The following SCAP variants were observed in gnomAD, a reference collection of about 807,000 sequenced individuals.
SCAP encodes the protein sterol regulatory element-binding protein cleavage-activating protein.
In SCAP, 65 loss-of-function variants were observed where a neutral mutation model predicts 123.6. The ratio of observed to expected loss-of-function variants is 0.53; its 90% CI spans 0.43 to 0.65. The LOEUF is 0.65. SCAP is among the 30% of genes least tolerant of loss of function. The probability of loss-of-function intolerance (pLI) is 0.00; values close to 1 mark genes in which losing one functional copy is unlikely to be tolerated. For missense variants in SCAP, 1,398 were observed against 1,712.5 expected, an observed-to-expected ratio of 0.82 and a Z score of 3.24; for synonymous variants, 740 against 726.3, an observed-to-expected ratio of 1.02 and a Z score of -0.30.
intron 2 of SCAP, among the ~76,000 whole-genome samples, chr3:47,438,178 C>T (rs1160621809): frequency 1.3e-5 from 2 of 152,190 alleles, no homozygotes; most frequent in Admixed American, 6.5e-5. Flanking sequence ...TGAAACGCCT[C>T]TTCAAGTCTT....
Position 47,413,979 on chromosome 3 carries a change from C to T in SCAP, c.3715G>A (p.Gly1239Arg), listed in dbSNP as rs774745158. ...GCAGGCTGGGCCTCACTGTTCTTCC[C>T]CAGGTAGACTGTCTGTAACAGGTCC... ...YGDLLQTVYL[G>R]KNSEAQPARQ... The change falls in exon 23 of 23, where the codon GGG (glycine) becomes AGG (arginine). Residue 1239 changes from glycine to arginine, a missense_variant. By Grantham distance (125) the Gly-to-Arg change is moderately radical (BLOSUM62 -2). Transcript: ENST00000265565. 3.1e-6 allele frequency: 5 copies of T among 1,613,298 alleles called. No individual in the cohort carries two copies. The highest frequency in any genetic ancestry group is 4.2e-6 in the Non-Finnish European group (5 of 1,180,018).
chr3:47,428,800 A>G, intron 3 of SCAP, 130 bp from the exon 4 acceptor site: 1 of 996,714 alleles, frequency 1.0e-6, no homozygotes, highest in Non-Finnish European at 1.5e-6. Context: ...TGACTAATAC[A>G]AGTTCTTGAG....
chr3:47,459,390 C>T (rs756350670), intron 1 of SCAP, among the ~76,000 whole-genome samples: 2 of 152,166 alleles, frequency 1.3e-5, no homozygotes, highest in Non-Finnish European at 2.9e-5. Context: ...GGAGATGTGA[C>T]GAGTCTCGTT....
intron 1 of SCAP, among the ~76,000 whole-genome samples, chr3:47,464,838 G>A (rs974582192): frequency 2.0e-5 from 3 of 152,020 alleles, no homozygotes; most frequent in Non-Finnish European, 4.4e-5. Context: ...AATTATTTCC[G>A]TTCCTAGATG....
At chr3:47,428,767 C>T in intron 3 of SCAP, 97 bp from the exon 4 acceptor site, 2 of 1,355,906 alleles carry the variant, frequency 1.5e-6, no homozygotes, top group East Asian at 4.6e-5. Context: ...GGAAACCGTG[C>T]CCCACAGAGT....
chr3:47,465,959 C>A (rs1396030796), intron 1 of SCAP, among the ~76,000 whole-genome samples: 4 of 151,578 alleles, frequency 2.6e-5, no homozygotes, highest in Admixed American at 2.0e-4. Context: ...ATGGTGAAAC[C>A]CCGTCTCTAC....
rs1705847179 is a variant in SCAP at position 47,420,550 on chromosome 3, G to A, written c.1563+4C>T. ...GGGCAGGGCAGGGCAGGGGTGGCAG[G>A]TACCATGATGAGGCGCTGTGCCAGG... On this transcript the variant is annotated splice_donor_region_variant and intron_variant, in intron 12 of 22. Coordinates refer to ENST00000265565, the MANE Select transcript of SCAP (RefSeq NM_012235.4). The surrounding 1 kb of genome is among the most constrained non-coding windows in gnomAD (Gnocchi z 5.0). 3 of 1,588,678 alleles carry A rather than the reference G, an allele frequency of 1.9e-6. No homozygotes were observed. Among genetic ancestry groups the A allele is most frequent in the African/African-American group, 1.3e-5 (1 of 74,090 alleles).
At chr3:47,455,066 T>TATATATATACAAAAAAATTAC (rs1559563560) in intron 1 of SCAP, among the ~76,000 whole-genome samples, 2 of 10,098 alleles carry the variant, frequency 2.0e-4, no homozygotes, top group African/African-American at 9.9e-4. Flanking sequence ...AAATTACATA[T>TATATATATACAAAAAAATTAC]ATATATATAT....
At chr3:47,431,715 A>ACAAT (rs1706366119) in intron 3 of SCAP, among the ~76,000 whole-genome samples, 1 of 152,186 alleles carries the variant, frequency 6.6e-6, no homozygotes, top group African/African-American at 2.4e-5. Flanking sequence ...TATCAAGGGC[A>ACAAT]CAATCAATCA....
In SCAP at chr3:47,435,091, A is replaced by G; in HGVS notation, c.169T>C (p.Phe57Leu). The change falls in exon 3 of 23, where the codon TTC (phenylalanine) becomes CTC (leucine). Residue 57 changes from phenylalanine to leucine, a missense_variant. Phe to Leu is a conservative substitution (Grantham distance 22). Around this residue, in one of 7 missense-constraint regions of SCAP, gnomAD observed 319 missense variants for 432.4 expected, o/e 0.74. Transcript: ENST00000265565. ...LPLPGTGPVE[F>L]TTPVKDYSPP... is the part of the protein sequence containing the mutation. ...GAGTAATCCTTCACAGGGGTGGTGA[A>G]TTCCACAGGTCCTGTTCCTGGCAAG... The G allele has an allele frequency of 6.2e-7, 1 of 1,614,102 alleles. No homozygotes were observed. The highest frequency in any genetic ancestry group is 8.5e-7 in the Non-Finnish European group (1 of 1,180,000).
rs751146724 is a variant in SCAP at position 47,420,780 on chromosome 3, G to A, written c.1345-8C>T. ...CTTGTTCAGGTCTGCTAGCTGTTGG[G>A]GGCACAGTGGTCAGGGCCTGAGTCC... is the stretch of plus-strand genomic sequence containing the variant. On this transcript the variant is annotated splice_region_variant and splice_polypyrimidine_tract_variant and intron_variant, in intron 11 of 22. Coordinates refer to ENST00000265565, the MANE Select transcript of SCAP (RefSeq NM_012235.4). This position sits in a 1 kb window ranked among gnomAD's most constrained non-coding sequence, Gnocchi z 5.0. The A allele has an allele frequency of 3.7e-6, 6 of 1,609,880 alleles. No homozygotes were observed. The highest frequency in any genetic ancestry group is 4.2e-6 in the Non-Finnish European group (5 of 1,179,200).
Position 47,413,872 on chromosome 3 carries a change from C to A in SCAP, c.3822G>T (p.Val1274=), listed in dbSNP as rs139599229. ...SELSLVYVPS[V]LEKLD ...CCTGCGCTCAGTCCAGCTTCTCCAG[C>A]ACAGAGGGCACATACACCAGGCTGA... The change falls in exon 23 of 23, where the codon GTG becomes GTT. Residue 1274 remains valine, a synonymous_variant. Transcript: ENST00000265565. 1 of 1,612,838 alleles carries A rather than the reference C, an allele frequency of 6.2e-7. No individual in the cohort carries two copies. The highest frequency in any genetic ancestry group is 8.5e-7 in the Non-Finnish European group (1 of 1,180,020).
Position 47,425,522 on chromosome 3 carries a change from A to G in SCAP, c.1000T>C (p.Cys334Arg). The change falls in exon 8 of 23, where the codon TGC becomes CGC. Residue 334 changes from cysteine (C) to arginine (R), a missense_variant. Physicochemically the swap from Cys to Arg is radical, Grantham distance 180. Coordinates refer to ENST00000265565, the MANE Select transcript of SCAP (RefSeq NM_012235.4). ...GTGGGCGTCAGGCCGAAGAGTGTGCAGAGTCCCACAGACATGAGCAGCGAG... is the reference window on the plus strand; with the variant it reads ...GTGGGCGTCAGGCCGAAGAGTGTGCGGAGTCCCACAGACATGAGCAGCGAG... ...LSSLLMSVGL[C>R]TLFGLTPTLN... 6.2e-7 allele frequency: 1 copy of G among 1,614,022 alleles called. No individual in the cohort carries two copies. Among genetic ancestry groups the G allele is most frequent in the South Asian group, 1.1e-5 (1 of 91,090 alleles).
chr3:47,460,251 C>T (rs1364153175), intron 1 of SCAP, among the ~76,000 whole-genome samples: 5 of 152,100 alleles, frequency 3.3e-5, no homozygotes, highest in African/African-American at 1.2e-4. Context: ...GACGTACATC[C>T]TCAGCTTACG....
Position 47,419,469 on chromosome 3 carries a change from C to G in SCAP, c.1799G>C (p.Arg600Pro). ...NQTSPGESPE[R>P]GGPAEVVHDS... ...ATGGACAACCTCTGCTGGACCTCCA[C>G]GCTCAGGTGACTCGCCTGGCGACGT... is the stretch of plus-strand genomic sequence containing the variant. The change falls in exon 13 of 23, where the codon CGT becomes CCT. Residue 600 changes from arginine to proline, a missense_variant. Arg to Pro is a moderately radical substitution (Grantham distance 103, BLOSUM62 -2). This residue lies in a region of SCAP where 828 missense variants were observed against 882.5 expected (regional missense o/e 0.94). Transcript: ENST00000265565. The surrounding 1 kb of genome is among the most constrained non-coding windows in gnomAD (Gnocchi z 5.0). 6.2e-7 allele frequency: 1 copy of G among 1,614,000 alleles called. No homozygotes were observed. The highest frequency in any genetic ancestry group is 8.5e-7 in the Non-Finnish European group (1 of 1,180,008).
At chr3:47,446,361 C>T (rs1173030093) in intron 1 of SCAP, among the ~76,000 whole-genome samples, 3 of 151,772 alleles carry the variant, frequency 2.0e-5, no homozygotes, top group Admixed American at 6.6e-5. Context: ...TTAGTAGAGA[C>T]GAAGTTTCAC....
intron 1 of SCAP, among the ~76,000 whole-genome samples, chr3:47,463,423 G>A (rs375881587): frequency 3.3e-5 from 5 of 152,114 alleles, no homozygotes; most frequent in African/African-American, 4.8e-5. Context: ...CCAGTGGGCC[G>A]GGGTGCGGTG....
intron 1 of SCAP, among the ~76,000 whole-genome samples, chr3:47,465,841 C>CA (rs79594451): frequency 0.48 from 70,397 of 146,188 alleles, 18,054 homozygotes; most frequent in Non-Finnish European, 0.58. Flanking sequence ...TTTAAAAAAA[C>CA]AAAAAAAAAA....
chr3:47,447,275 C>T (rs1164582157), intron 1 of SCAP, among the ~76,000 whole-genome samples: 9 of 152,190 alleles, frequency 5.9e-5, no homozygotes, highest in Admixed American at 5.9e-4. Flanking sequence ...GTGGCACACA[C>T]TTGTAATCCC....
Sources: allele counts gnomAD v4.1 joint callset (sites outside exome capture counted in the v4.1 genomes callset), GRCh38; gene constraint gnomAD v4.1.1; regional missense constraint gnomAD v4.1.1; non-coding constraint Gnocchi (gnomAD v3.1); transcripts MANE v1.5; gene names NCBI Gene and HGNC (gene_info 2026-07-23, HGNC 2026-07-21).